MAU2: variants seen among roughly 807,000 people sequenced by gnomAD.
The protein encoded by MAU2 is MAU2 chromatid cohesion factor homolog.
MAU2 carries 9 observed loss-of-function variants against 89.1 expected under a neutral mutation model. That is an observed-to-expected ratio of 0.10 (90% confidence interval 0.06 to 0.18). The LOEUF (loss-of-function observed/expected upper bound fraction) is 0.18, where lower values mean the gene tolerates loss of function less well. MAU2 is among the 10% of genes least tolerant of loss of function. The pLI is 1.00. For synonymous variants in MAU2, 357 were observed against 343.4 expected, an observed-to-expected ratio of 1.04 and a Z score of -0.44; for missense variants, 425 against 803.5, an observed-to-expected ratio of 0.53 and a Z score of 5.69.
intron 7 of MAU2, 47 bp from the exon 8 acceptor site, chr19:19,342,488 C>T: frequency 6.6e-7 from 1 of 1,510,928 alleles, no homozygotes. Flanking sequence ...GCCTGGCTTC[C>T]TGAGAGGCCA....
chr19:19,335,644 A>AG, intron 1 of MAU2, 74 bp from the exon 2 acceptor site: 1 of 1,493,706 alleles, frequency 6.7e-7, no homozygotes, highest in Non-Finnish European at 9.3e-7. Context: ...AACCTGTGGA[A>AG]GCCCCAGAGC....
chr19:19,322,069 C>G (rs2061463635), intron 1 of MAU2, among the ~76,000 whole-genome samples: 1 of 151,148 alleles, frequency 6.6e-6, no homozygotes, highest in Non-Finnish European at 1.5e-5. Flanking sequence ...GCCATCTTGG[C>G]TCACTGCAAG....
intron 1 of MAU2, chr19:19,321,447 G>A: frequency 3.2e-6 from 1 of 316,550 alleles, no homozygotes; most frequent in South Asian, 5.0e-5. Context: ...GTTTTCAGGA[G>A]GATCCCACCT....
intron 4 of MAU2, 109 bp from the exon 5 acceptor site, chr19:19,338,736 T>G: frequency 1.4e-6 from 1 of 728,890 alleles, no homozygotes; most frequent in Non-Finnish European, 2.3e-6. Context: ...ACACAGGCAG[T>G]TTCACTGACG....
At chr19:19,325,952 TTC>T (rs1962422204) in intron 1 of MAU2, among the ~76,000 whole-genome samples, 1 of 152,060 alleles carries the variant, frequency 6.6e-6, no homozygotes, top group African/African-American at 2.4e-5. Flanking sequence ...TTAAGGTTAT[TTC>T]TCTTTTATCT....
chr19:19,330,812 G>T (rs2061549771), intron 1 of MAU2, among the ~76,000 whole-genome samples: 1 of 151,664 alleles, frequency 6.6e-6, no homozygotes, highest in Non-Finnish European at 1.5e-5. Context: ...GAGCCAGGAG[G>T]ATCTCTTGAG....
chr19:19,354,765 C>G (rs1271531802), intron 17 of MAU2, among the ~76,000 whole-genome samples: 1 of 152,224 alleles, frequency 6.6e-6, no homozygotes, highest in Non-Finnish European at 1.5e-5. Flanking sequence ...GCAGCCATAC[C>G]TATTGGGTAG....
chr19:19,335,591 CCTT>C (rs1319066980), intron 1 of MAU2, 124 bp from the exon 2 acceptor site: 16 of 918,712 alleles, frequency 1.7e-5, no homozygotes, highest in Non-Finnish European at 2.5e-5. Context: ...AAGCGGGCCG[CCTT>C]CTTGTTACCT....
In MAU2 at chr19:19,345,184, C is replaced by A; in HGVS notation, c.1156-120C>A. On this transcript the variant is annotated intron_variant, in intron 11 of 18. Transcript: ENST00000262815. This position sits in a 1 kb window ranked among gnomAD's most constrained non-coding sequence, Gnocchi z 4.9. Reference sequence around the variant, plus strand: ...CATATTACCTGCCTTGCAGCTGGCTCGGTAGAGCCATTGTCATACTCCTCC... The same window carrying A: ...CATATTACCTGCCTTGCAGCTGGCTAGGTAGAGCCATTGTCATACTCCTCC... 1 of 899,666 alleles carries A rather than the reference C, an allele frequency of 1.1e-6. No homozygotes were observed. Among genetic ancestry groups the A allele is most frequent in the Non-Finnish European group, 1.8e-6 (1 of 555,176 alleles). The allele number at this position is 899,666 out of a possible 1,614,324, so 55.7% of individuals were successfully genotyped here. A position where few individuals can be genotyped will look rare whatever the true frequency, so the allele number is the denominator to read the frequency against.
At chr19:19,328,089 G>T (rs554027176) in intron 1 of MAU2, among the ~76,000 whole-genome samples, 6 of 151,654 alleles carry the variant, frequency 4.0e-5, no homozygotes, top group African/African-American at 9.7e-5. Context: ...GAGCCCAGGA[G>T]GTCGAGGCAT....
intron 1 of MAU2, among the ~76,000 whole-genome samples, chr19:19,327,326 T>C (rs2061519014): frequency 3.2e-5 from 2 of 62,898 alleles, no homozygotes; most frequent in South Asian, 9.4e-4. Flanking sequence ...TTTATTTATT[T>C]ATTTATTTAT....
intron 18 of MAU2, 47 bp downstream of exon 18, chr19:19,355,438 C>A (rs745485328): frequency 6.2e-7 from 1 of 1,604,204 alleles, no homozygotes; most frequent in South Asian, 1.1e-5. Flanking sequence ...AGCGGGCTCC[C>A]CACCTGCAAG....
rs897228573 is a variant in MAU2, at chr19:19,357,687, C to T, written c.*1905C>T. On this transcript the variant is annotated 3_prime_UTR_variant, in exon 19 of 19. Coordinates refer to ENST00000262815, the MANE Select transcript of MAU2 (RefSeq NM_015329.4). ...ATGTTAAAGTGCTTTTCATGACCAC[C>T]CTGTTATCTATGTATATGTAAAGTT... 2.6e-5 allele frequency: 4 copies of T among 152,240 alleles called. No homozygotes were observed. Among genetic ancestry groups the T allele is most frequent in the African/African-American group, 9.7e-5 (4 of 41,320 alleles). 9.4% of individuals were successfully genotyped at this position (152,240 alleles called of 1,614,324 possible). A position where few individuals can be genotyped will look rare whatever the true frequency, so the allele number is the denominator to read the frequency against.
chr19:19,338,999 T>C (rs1043946926), intron 5 of MAU2, 60 bp downstream of exon 5: 179 of 1,356,292 alleles, frequency 1.3e-4, no homozygotes, highest in South Asian at 8.9e-5. Context: ...TTGGCCATCT[T>C]GGTCCAGGAC....
At chr19:19,333,717 A>G (rs2061574889) in intron 1 of MAU2, among the ~76,000 whole-genome samples, 1 of 152,192 alleles carries the variant, frequency 6.6e-6, no homozygotes, top group African/African-American at 2.4e-5. Flanking sequence ...TCTCCGCCCA[A>G]AGGGAGGAGG....
Position 19,336,168 on chromosome 19 carries a change from C to T in MAU2, c.341C>T (p.Ser114Phe). ...AAATTTGAAGCAGCAAGTCTGTTGT[C>T]TGAATTGTACTGTCAAGAGGTAAGA... ...DVKFEAASLLSELYCQENSVD... is the reference protein window; with the variant it reads ...DVKFEAASLLFELYCQENSVD... The change falls in exon 3 of 19, where the codon TCT becomes TTT. Residue 114 changes from serine to phenylalanine, a missense_variant. Ser to Phe is a radical substitution (Grantham distance 155). Coordinates refer to ENST00000262815, the MANE Select transcript of MAU2 (RefSeq NM_015329.4). 6.2e-7 allele frequency: 1 copy of T among 1,612,812 alleles called. No homozygotes were observed. The highest frequency in any genetic ancestry group is 1.1e-5 in the South Asian group (1 of 91,040).
Position 19,345,297 on chromosome 19 carries a change from C to T in MAU2, c.1156-7C>T, listed in dbSNP as rs2061684078. 3.1e-6 allele frequency: 5 copies of T among 1,613,216 alleles called. No homozygotes were observed. The African/African-American group carries it at 5.3e-5, about 17-fold the overall frequency. ...CCGGCCCTGATGACAACACCACCTT[C>T]TTCCAGGGCCTGTACTGTGTCTCTG... is the stretch of plus-strand genomic sequence containing the variant. On this transcript the variant is annotated splice_region_variant and splice_polypyrimidine_tract_variant and intron_variant, in intron 11 of 18. Transcript: ENST00000262815. This position sits in a 1 kb window ranked among gnomAD's most constrained non-coding sequence, Gnocchi z 4.9.
chr19:19,337,312 C>A (rs749857643), intron 4 of MAU2, 47 bp downstream of exon 4: 2 of 1,464,966 alleles, frequency 1.4e-6, no homozygotes, highest in Non-Finnish European at 1.9e-6. Context: ...GGGACCATGA[C>A]CCTGGGGCAC....
chr19:19,333,803 ACAGGTGCCAGGCTTAGCTG>A (rs2061575524), intron 1 of MAU2, among the ~76,000 whole-genome samples: 2 of 151,462 alleles, frequency 1.3e-5, no homozygotes, highest in Non-Finnish European at 2.9e-5. Context: ...CAGCTTTGTC[ACAGGTGCCAGGCTTAGCTG>A]CAGGTGCCAG....
Sources: allele counts gnomAD v4.1 joint callset (sites outside exome capture counted in the v4.1 genomes callset), GRCh38; gene constraint gnomAD v4.1.1; non-coding constraint Gnocchi (gnomAD v3.1); transcripts MANE v1.5; gene names NCBI Gene and HGNC (gene_info 2026-07-23, HGNC 2026-07-21).